Variants in ERBB4 observed in about 807,000 individuals in gnomAD.
ERBB4 encodes receptor tyrosine-protein kinase erbB-4.
A neutral mutation model predicts 158.0 loss-of-function variants in ERBB4; 42 were observed. The ratio of observed to expected loss-of-function variants is 0.27; its 90% CI spans 0.21 to 0.34. The LOEUF (loss-of-function observed/expected upper bound fraction) is 0.34, where lower values mean the gene tolerates loss of function less well. Among genes scored for constraint, ERBB4 ranks in the 10% least tolerant of loss-of-function variants. The pLI, the probability that ERBB4 is intolerant of heterozygous loss-of-function variation, is 1.00. For missense variants in ERBB4, 1,333 were observed against 1,624.1 expected (o/e 0.82, Z 3.08); for synonymous variants, 583 against 558.7 (o/e 1.04, Z -0.61).
intron 3 of ERBB4, among the ~76,000 whole-genome samples, chr2:211,831,200 G>A (rs1008903119): frequency 2.6e-5 from 4 of 152,068 alleles, no homozygotes; most frequent in African/African-American, 4.8e-5. Context: ...TTCCAACTAC[G>A]CTTTCCAAAG....
At chr2:211,874,026 A>G (rs1456007610) in intron 3 of ERBB4, among the ~76,000 whole-genome samples, 1 of 151,900 alleles carries the variant, frequency 6.6e-6, no homozygotes, top group Non-Finnish European at 1.5e-5. Context: ...ACAGCCAGAC[A>G]TGGTGGTGTG....
chr2:212,460,496 A>T (rs560420926), intron 1 of ERBB4, among the ~76,000 whole-genome samples: 1 of 152,278 alleles, frequency 6.6e-6, no homozygotes, highest in African/African-American at 2.4e-5. Context: ...GAGATGAGGA[A>T]CTTCTTGGGA....
chr2:212,166,565 T>G (rs1234613127), intron 1 of ERBB4, among the ~76,000 whole-genome samples: 1 of 125,092 alleles, frequency 8.0e-6, no homozygotes, highest in African/African-American at 3.3e-5. Context: ...TTGACATTCT[T>G]CACAGAATTA....
intron 1 of ERBB4, among the ~76,000 whole-genome samples, chr2:212,513,414 G>A (rs1431911145): frequency 6.6e-6 from 1 of 152,174 alleles, no homozygotes; most frequent in Non-Finnish European, 1.5e-5. Context: ...GAAATGTCAT[G>A]CTAAATACCT....
chr2:211,383,408 T>G lies in ERBB4; in HGVS notation c.*207A>C. On this transcript the variant is annotated 3_prime_UTR_variant, in exon 28 of 28. Coordinates refer to ENST00000342788, the MANE Select transcript of ERBB4 (RefSeq NM_005235.3). ...ACCCATGCAGAGAAATGAAGAAACA[T>G]TGTGGTTCCTCCTATCTTTCTCTTT... 1 of 579,180 alleles carries G rather than the reference T, an allele frequency of 1.7e-6. No individual in the cohort carries two copies. 35.9% of individuals were successfully genotyped at this position (579,180 alleles called of 1,614,324 possible).
chr2:212,029,588 T>C (rs959349148), intron 2 of ERBB4, among the ~76,000 whole-genome samples: 1 of 152,178 alleles, frequency 6.6e-6, no homozygotes, highest in Non-Finnish European at 1.5e-5. Flanking sequence ...TACAAAAAGA[T>C]AAGTTCTGAA....
chr2:212,027,439 A>T (rs542248353), intron 2 of ERBB4, among the ~76,000 whole-genome samples: 10 of 152,214 alleles, frequency 6.6e-5, no homozygotes, highest in African/African-American at 2.4e-4. Flanking sequence ...TTCACTGTAT[A>T]CAAAAGTGAT....
At chr2:212,268,169 G>A (rs988891066) in intron 1 of ERBB4, among the ~76,000 whole-genome samples, 2 of 151,822 alleles carry the variant, frequency 1.3e-5, no homozygotes, top group Non-Finnish European at 2.9e-5. Context: ...GTTTGCCTGG[G>A]GTTAGCATGT....
At chr2:211,650,944 A>G (rs1258748951) in intron 16 of ERBB4, among the ~76,000 whole-genome samples, 1 of 152,214 alleles carries the variant, frequency 6.6e-6, no homozygotes, top group East Asian at 1.9e-4. Flanking sequence ...CTTAATGGCC[A>G]TACGTGACTA....
chr2:211,717,320 G>A (rs1432746708), intron 7 of ERBB4, among the ~76,000 whole-genome samples: 1 of 152,186 alleles, frequency 6.6e-6, no homozygotes, highest in Non-Finnish European at 1.5e-5. Context: ...GAGGTTATTA[G>A]ATGAAAAGGA....
At chr2:211,620,580 A>G (rs2069563771) in intron 18 of ERBB4, among the ~76,000 whole-genome samples, 2 of 152,222 alleles carry the variant, frequency 1.3e-5, no homozygotes, top group African/African-American at 4.8e-5. Flanking sequence ...GGCAGAATGA[A>G]TAGGGAAATC....
intron 1 of ERBB4, among the ~76,000 whole-genome samples, chr2:212,389,958 G>T (rs542394264): frequency 1.5e-3 from 226 of 151,718 alleles, no homozygotes; most frequent in Non-Finnish European, 2.2e-3. Flanking sequence ...TCTAGACTCT[G>T]CTGTGCTCTC....
At position 211,800,125 on chromosome 2, in the gene ERBB4, A is replaced by C. The variant is rs62184484; in HGVS notation, c.422-11966T>G. Among the ~76,000 whole-genome samples the C allele has an allele frequency of 6.6e-3, 1,008 of 152,266 alleles. 7 individuals carry two copies. The highest frequency in any genetic ancestry group is 0.017 in the Middle Eastern group (5 of 294). On this transcript the variant is annotated intron_variant, in intron 3 of 27. Transcript: ENST00000342788. ...TAAGTGAGACACACAATGATGAAGCAAGTTGCCAAATGCCTCATGCATAGT... is the reference window on the plus strand; with the variant it reads ...TAAGTGAGACACACAATGATGAAGCCAGTTGCCAAATGCCTCATGCATAGT...
intron 1 of ERBB4, among the ~76,000 whole-genome samples, chr2:212,494,029 C>T (rs939728657): frequency 1.3e-5 from 2 of 151,664 alleles, no homozygotes; most frequent in South Asian, 4.1e-4. Flanking sequence ...AATTTTTATT[C>T]TTTGCATCAC....
At chr2:212,145,792 G>A (rs182294820) in intron 1 of ERBB4, among the ~76,000 whole-genome samples, 62 of 148,352 alleles carry the variant, frequency 4.2e-4, no homozygotes, top group Non-Finnish European at 8.4e-4. Context: ...CATCCTTATC[G>A]TCTTATTTTT....
chr2:212,268,778 T>C (rs1280052163), intron 1 of ERBB4, among the ~76,000 whole-genome samples: 1 of 151,842 alleles, frequency 6.6e-6, no homozygotes, highest in African/African-American at 2.4e-5. Flanking sequence ...CCTTGGGTAA[T>C]AGTTTGCCAA....
intron 20 of ERBB4, among the ~76,000 whole-genome samples, chr2:211,503,705 T>A (rs553667423): frequency 6.6e-6 from 1 of 152,208 alleles, no homozygotes; most frequent in African/African-American, 2.4e-5. Flanking sequence ...CTGGCAGGTA[T>A]GGAAGCTGGG....
At chr2:211,386,767 T>G in intron 27 of ERBB4, 86 bp downstream of exon 27, 1 of 1,360,932 alleles carries the variant, frequency 7.3e-7, no homozygotes, top group Admixed American at 1.7e-5. Flanking sequence ...GCTGGTCAGC[T>G]ATCTGGCAAT....
At chr2:211,471,922 G>A (rs1035416103) in intron 20 of ERBB4, among the ~76,000 whole-genome samples, 4 of 152,022 alleles carry the variant, frequency 2.6e-5, no homozygotes, top group African/African-American at 7.2e-5. Context: ...CAAGAGGATC[G>A]CTTGAGGCCA....
Sources: gnomAD v4.1 joint callset for allele counts (sites outside exome capture counted in the v4.1 genomes callset) on GRCh38, gnomAD v4.1.1 for gene constraint, MANE v1.5 for transcripts, NCBI Gene and HGNC (gene_info 2026-07-23, HGNC 2026-07-21) for gene names.